Variants in HDHD2 observed in about 807,000 individuals in gnomAD.
HDHD2 encodes the protein haloacid dehalogenase-like hydrolase domain-containing protein 2.
Under a neutral mutation model 24.8 loss-of-function variants are expected in HDHD2, and 26 were observed. The ratio of observed to expected loss-of-function variants is 1.05; its 90% CI spans 0.77 to 1.45. HDHD2 has a LOEUF of 1.45. HDHD2 is among the 40% of genes most tolerant of loss of function. The pLI is 0.00. For synonymous variants in HDHD2, 128 were observed against 114.9 expected, an observed-to-expected ratio of 1.11 and a Z score of -0.73; for missense variants, 299 against 313.4, an observed-to-expected ratio of 0.95 and a Z score of 0.35.
chr18:47,108,248 A>G lies in HDHD2; in HGVS notation c.*434T>C, dbSNP rs1313745817. ...CTGATGGATTTCACAGTTGAACTCAATATTAGAACTACAGCCTAATGCACC... is the reference window on the plus strand; with the variant it reads ...CTGATGGATTTCACAGTTGAACTCAGTATTAGAACTACAGCCTAATGCACC... On this transcript the variant is annotated 3_prime_UTR_variant, in exon 7 of 7. Coordinates refer to ENST00000300605, the MANE Select transcript of HDHD2 (RefSeq NM_032124.5). The G allele has an allele frequency of 6.5e-6, 1 of 153,744 alleles. No homozygotes were observed. The highest frequency in any genetic ancestry group is 1.5e-5 in the Non-Finnish European group (1 of 68,894). The allele number at this position is 153,744 out of a possible 1,614,324, so 9.5% of individuals were successfully genotyped here.
intron 4 of HDHD2, among the ~76,000 whole-genome samples, chr18:47,118,642 G>A (rs2063577051): frequency 6.6e-6 from 1 of 152,168 alleles, no homozygotes; most frequent in Non-Finnish European, 1.5e-5. Context: ...TTAATACCTA[G>A]GTGATGGGTT....
chr18:47,131,938 T>C (rs761728382), intron 3 of HDHD2, among the ~76,000 whole-genome samples: 2 of 152,206 alleles, frequency 1.3e-5, no homozygotes, highest in Non-Finnish European at 2.9e-5. Context: ...CCTAAGTTCA[T>C]TTCTATTTGG....
chr18:47,120,237 T>G (rs983176531), intron 4 of HDHD2, among the ~76,000 whole-genome samples: 11 of 152,366 alleles, frequency 7.2e-5, no homozygotes, highest in Non-Finnish European at 1.5e-4. Context: ...TCATCTACAC[T>G]GAAAATCTGT....
At chr18:47,124,035 C>T (rs1005268828) in intron 4 of HDHD2, among the ~76,000 whole-genome samples, 3 of 152,186 alleles carry the variant, frequency 2.0e-5, no homozygotes, top group South Asian at 4.1e-4. Context: ...ACTTGATTTA[C>T]GTCAAAAGCA....
At chr18:47,122,513 C>T (rs1012576025) in intron 4 of HDHD2, among the ~76,000 whole-genome samples, 1 of 152,138 alleles carries the variant, frequency 6.6e-6, no homozygotes, top group Non-Finnish European at 1.5e-5. Flanking sequence ...GCAAAACTGT[C>T]CCTGATTGAG....
At position 47,137,437 on chromosome 18, in the gene HDHD2, C is replaced by T. The variant is rs188273293; in HGVS notation, c.-10-988G>A. The stretch of plus-strand genomic sequence containing the variant: ...TCTATTCTTTCCTTTCCTCTTTCCC[C>T]ATTCCTTTACAGTACACAAAGTAAC... On this transcript the variant is annotated intron_variant, in intron 1 of 6. Transcript: ENST00000300605. 2.3e-3 allele frequency: 579 copies of T among 252,690 alleles called. 1 individual carries two copies. Among genetic ancestry groups the T allele is most frequent in the African/African-American group, 0.012 (553 of 44,338 alleles). 15.7% of individuals were successfully genotyped at this position (252,690 alleles called of 1,614,324 possible). A position where few individuals can be genotyped will look rare whatever the true frequency, so the allele number is the denominator to read the frequency against.
intron 1 of HDHD2, among the ~76,000 whole-genome samples, chr18:47,145,912 A>G (rs1052827174): frequency 2.0e-5 from 3 of 152,242 alleles, no homozygotes; most frequent in East Asian, 1.9e-4. Flanking sequence ...GAAAAACTGC[A>G]TAAGATCTTA....
At chr18:47,123,201 G>A (rs2063624024) in intron 4 of HDHD2, among the ~76,000 whole-genome samples, 1 of 152,196 alleles carries the variant, frequency 6.6e-6, no homozygotes, top group East Asian at 1.9e-4. Flanking sequence ...GAATTAGCAA[G>A]TAAATGGAAG....
Position 47,130,169 on chromosome 18 carries a change from C to T in HDHD2, c.395+75G>A, listed in dbSNP as rs536625106. 1.9e-5 allele frequency: 17 copies of T among 893,450 alleles called. 1 individual carries two copies. The South Asian group carries it at 2.7e-4, about 14-fold the overall frequency. The allele number at this position is 893,450 out of a possible 1,614,324, so 55.3% of individuals were successfully genotyped here. ...GGCCAGAAAGTAAAACACATAAACC[C>T]ATTCATGACAATGACAAAAGGAAAG... On this transcript the variant is annotated intron_variant, in intron 4 of 6. Transcript: ENST00000300605.
In HDHD2 at chr18:47,145,846, C is replaced by T. The variant is rs961860703; in HGVS notation, c.-11+4532G>A. 8.5e-5 allele frequency among the ~76,000 whole-genome samples: 13 copies of T among 152,160 alleles called. No individual in the cohort carries two copies. The East Asian group carries it at 2.1e-3, about 25-fold the overall frequency. On this transcript the variant is annotated intron_variant, in intron 1 of 6. Coordinates refer to ENST00000300605, the MANE Select transcript of HDHD2 (RefSeq NM_032124.5). ...TTTTTCTAACACATGTGGGAAAAGACGAGATTCCAGGAAGTATAAAGTATA... is the reference window on the plus strand; with the variant it reads ...TTTTTCTAACACATGTGGGAAAAGATGAGATTCCAGGAAGTATAAAGTATA...
intron 3 of HDHD2, 60 bp downstream of exon 3, chr18:47,134,436 A>T (rs1599950610): frequency 2.5e-6 from 3 of 1,193,800 alleles, no homozygotes; most frequent in African/African-American, 3.1e-5. Context: ...ATCCAGTTTT[A>T]AAAATGATTT....
intron 1 of HDHD2, among the ~76,000 whole-genome samples, chr18:47,144,907 G>C (rs1393376024): frequency 6.6e-6 from 1 of 151,840 alleles, no homozygotes; most frequent in Non-Finnish European, 1.5e-5. Context: ...GCCATGGTAA[G>C]GGAGAACCTA....
intron 4 of HDHD2, among the ~76,000 whole-genome samples, chr18:47,129,901 C>T (rs996443072): frequency 4.6e-5 from 7 of 152,088 alleles, no homozygotes; most frequent in Admixed American, 3.3e-4. Context: ...TGGCGAAACC[C>T]CGTCTCTACT....
chr18:47,107,685 A>C lies in HDHD2; in HGVS notation c.*997T>G, dbSNP rs915021139. On this transcript the variant is annotated 3_prime_UTR_variant, in exon 7 of 7. Transcript: ENST00000300605. Reference sequence around the variant, plus strand: ...GGGTTTAACATGAGAAGAATAATCCATGCTACAAGACGAGATTTCATTTTA... The same window carrying C: ...GGGTTTAACATGAGAAGAATAATCCCTGCTACAAGACGAGATTTCATTTTA... 1 of 152,666 alleles carries C rather than the reference A, an allele frequency of 6.6e-6. No homozygotes were observed. Among genetic ancestry groups the C allele is most frequent in the South Asian group, 2.1e-4 (1 of 4,830 alleles). The allele number at this position is 152,666 out of a possible 1,614,324, so 9.5% of individuals were successfully genotyped here.
intron 4 of HDHD2, among the ~76,000 whole-genome samples, chr18:47,126,228 G>A (rs187944913): frequency 6.6e-6 from 1 of 152,214 alleles, no homozygotes; most frequent in African/African-American, 2.4e-5. Flanking sequence ...GAGCCCTGCT[G>A]CTACACTGTT....
At chr18:47,138,126 C>G (rs1278136270) in intron 1 of HDHD2, among the ~76,000 whole-genome samples, 1 of 126,080 alleles carries the variant, frequency 7.9e-6, no homozygotes, top group Non-Finnish European at 1.6e-5. Context: ...GAGCCGAGAT[C>G]GCACCACTGC....
intron 4 of HDHD2, among the ~76,000 whole-genome samples, chr18:47,127,021 C>T (rs2063665514): frequency 6.6e-6 from 1 of 151,906 alleles, no homozygotes; most frequent in Admixed American, 6.6e-5. Context: ...ATTAGCTGGG[C>T]GTGGTGGTGG....
chr18:47,126,984 AC>A (rs1293557448), intron 4 of HDHD2, among the ~76,000 whole-genome samples: 5 of 152,080 alleles, frequency 3.3e-5, no homozygotes, highest in Non-Finnish European at 5.9e-5. Flanking sequence ...ACATGGTGAA[AC>A]CCCGTCTCTA....
chr18:47,110,486 C>A, intron 6 of HDHD2: 1 of 985,020 alleles, frequency 1.0e-6, no homozygotes, highest in Non-Finnish European at 1.2e-6. Flanking sequence ...ATATGACCTA[C>A]TTTCTGGATC....
Sources: allele counts gnomAD v4.1 joint callset (sites outside exome capture counted in the v4.1 genomes callset), GRCh38; gene constraint gnomAD v4.1.1; transcripts MANE v1.5; gene names NCBI Gene and HGNC (gene_info 2026-07-23, HGNC 2026-07-21).